LAMC1: variants seen among roughly 807,000 people sequenced by gnomAD.
LAMC1 encodes laminin subunit gamma-1.
LAMC1 carries 38 observed loss-of-function variants against 173.6 expected under a neutral mutation model. The observed-to-expected ratio is 0.22, with a 90% CI of 0.17 to 0.29. LAMC1 has a LOEUF of 0.29. LAMC1 is among the 10% of genes least tolerant of loss of function. LAMC1 has a pLI of 1.00. For missense variants in LAMC1, 1,824 were observed against 2,051.8 expected, an observed-to-expected ratio of 0.89 and a Z score of 2.14; for synonymous variants, 746 against 749.1, an observed-to-expected ratio of 1.00 and a Z score of 0.07.
intron 21 of LAMC1, among the ~76,000 whole-genome samples, chr1:183,133,022 T>A (rs1656840836): frequency 6.6e-6 from 1 of 152,136 alleles, no homozygotes; most frequent in South Asian, 2.1e-4. Context: ...GCGATTCTCC[T>A]GCCTCGGCCT....
At chr1:183,086,507 G>C (rs1224541785) in intron 1 of LAMC1, among the ~76,000 whole-genome samples, 41 of 133,176 alleles carry the variant, frequency 3.1e-4, no homozygotes, top group Non-Finnish European at 1.7e-5. Flanking sequence ...TGTGGATAGA[G>C]ATGCTGGATT....
chr1:183,098,140 C>T (rs1298394979), intron 1 of LAMC1, among the ~76,000 whole-genome samples: 7 of 152,128 alleles, frequency 4.6e-5, no homozygotes, highest in African/African-American at 7.2e-5. Context: ...ATTAGAAGAC[C>T]TGGTCCAGTT....
intron 1 of LAMC1, among the ~76,000 whole-genome samples, chr1:183,032,366 C>A (rs1432305080): frequency 6.6e-6 from 1 of 152,158 alleles, no homozygotes; most frequent in Non-Finnish European, 1.5e-5. Context: ...CAGTTCCCTT[C>A]TTTTACTCTT....
At chr1:183,107,808 C>T (rs1422080243) in intron 2 of LAMC1, among the ~76,000 whole-genome samples, 4 of 151,560 alleles carry the variant, frequency 2.6e-5, no homozygotes, top group Non-Finnish European at 4.4e-5. Flanking sequence ...CCAGCCAGGG[C>T]GACAGAACGA....
intron 1 of LAMC1, among the ~76,000 whole-genome samples, chr1:183,078,824 A>G (rs1655186023): frequency 6.6e-6 from 1 of 152,132 alleles, no homozygotes; most frequent in Admixed American, 6.5e-5. Flanking sequence ...CAGCCTGACC[A>G]ACATGGAGAA....
chr1:183,031,908 T>A (rs1462810109), intron 1 of LAMC1, among the ~76,000 whole-genome samples: 1 of 151,382 alleles, frequency 6.6e-6, no homozygotes, highest in Non-Finnish European at 1.5e-5. Flanking sequence ...ATAAAATAAT[T>A]TAAAAATAAG....
intron 1 of LAMC1, among the ~76,000 whole-genome samples, chr1:183,048,678 T>G (rs1235353971): frequency 6.6e-6 from 1 of 152,214 alleles, no homozygotes; most frequent in African/African-American, 2.4e-5. Context: ...TGTTGTAGAT[T>G]ATATAATTTA....
intron 20 of LAMC1, 80 bp from the exon 21 acceptor site, chr1:183,132,320 A>G (rs1017903738): frequency 5.6e-6 from 5 of 891,716 alleles, no homozygotes; most frequent in Non-Finnish European, 6.8e-6. Flanking sequence ...TAATAATAAT[A>G]AAGTAAGCAT....
intron 27 of LAMC1, 74 bp from the exon 28 acceptor site, chr1:183,142,460 A>G: frequency 6.9e-7 from 1 of 1,453,276 alleles, no homozygotes; most frequent in Non-Finnish European, 9.3e-7. Flanking sequence ...CCTAGAGTCT[A>G]GTGCAGGTAC....
Position 183,110,507 on chromosome 1 carries a change from G to T in LAMC1, c.874G>T (p.Ala292Ser), listed in dbSNP as rs368803570. The T allele has an allele frequency of 6.2e-7, 1 of 1,612,652 alleles. No homozygotes were observed. Among genetic ancestry groups the T allele is most frequent in the South Asian group, 1.1e-5 (1 of 90,808 alleles). Residue 292 changes from alanine to serine, a missense_variant, in exon 4 of 28, where the codon GCA (alanine) becomes TCA (serine). Transcript: ENST00000258341. Reference protein sequence around the residue: ...VGGRCKCNGHASECMKNEFDK... With the variant: ...VGGRCKCNGHSSECMKNEFDK... ...CCCCAGATGTAAATGTAATGGACACGCAAGCGAGTGTATGAAGAACGAATT... is the reference window on the plus strand; with the variant it reads ...CCCCAGATGTAAATGTAATGGACACTCAAGCGAGTGTATGAAGAACGAATT...
At chr1:183,118,264 C>G in intron 11 of LAMC1, 118 bp downstream of exon 11, 1 of 563,330 alleles carries the variant, frequency 1.8e-6, no homozygotes, top group Middle Eastern at 4.3e-4. Flanking sequence ...TATAACAACT[C>G]ACATTATACA....
chr1:183,128,491 A>G, intron 17 of LAMC1, 103 bp from the exon 18 acceptor site: 4 of 789,320 alleles, frequency 5.1e-6, no homozygotes, highest in African/African-American at 1.8e-5. Flanking sequence ...AAAAAGAACT[A>G]CATATTCATG....
At chr1:183,034,430 G>A (rs1653922834) in intron 1 of LAMC1, among the ~76,000 whole-genome samples, 1 of 152,156 alleles carries the variant, frequency 6.6e-6, no homozygotes, top group Non-Finnish European at 1.5e-5. Context: ...ATGACACCAT[G>A]CCCAGCTAAT....
rs766479712 is a variant in LAMC1, at chr1:183,103,417, G to A, written c.508G>A (p.Gly170Arg). 33 of 1,614,020 alleles carry A rather than the reference G, an allele frequency of 2.0e-5. No homozygotes were observed. The highest frequency in any genetic ancestry group is 3.3e-5 in the South Asian group (3 of 91,070). Residue 170 changes from glycine (G) to arginine (R), a missense_variant, in exon 2 of 28, where the codon GGG becomes AGG. Transcript: ENST00000258341. ...CATTTACAAGCGCACACGGGAAGACGGGCCCTGGATTCCTTACCAGTACTA... is the reference window on the plus strand; with the variant it reads ...CATTTACAAGCGCACACGGGAAGACAGGCCCTGGATTCCTTACCAGTACTA... ...FAIYKRTRED[G>R]PWIPYQYYSG...
At chr1:183,102,488 C>G (rs1655860923) in intron 1 of LAMC1, among the ~76,000 whole-genome samples, 1 of 152,066 alleles carries the variant, frequency 6.6e-6, no homozygotes, top group Non-Finnish European at 1.5e-5. Context: ...TTAGCAAGAC[C>G]CAATGTGTGA....
At position 183,124,830 on chromosome 1, in the gene LAMC1, A is replaced by G; in HGVS notation, c.2601A>G (p.Gly867=). 6.2e-7 allele frequency: 1 copy of G among 1,614,148 alleles called. No homozygotes were observed. Among genetic ancestry groups the G allele is most frequent in the Non-Finnish European group, 8.5e-7 (1 of 1,180,020 alleles). The change falls in exon 14 of 28, where the codon GGA becomes GGG. Residue 867 remains glycine (G), a synonymous_variant. Transcript: ENST00000258341. ...TCTATTGTGACCGGTGCAAAGACGG[A>G]TTTTTTGGAAATCCCCTGGCTCCCA... ...AGFYCDRCKD[G]FFGNPLAPNP...
At chr1:183,064,651 A>G (rs1364447558) in intron 1 of LAMC1, among the ~76,000 whole-genome samples, 1 of 152,222 alleles carries the variant, frequency 6.6e-6, no homozygotes, top group Non-Finnish European at 1.5e-5. Flanking sequence ...AAAAATTGTA[A>G]GGGGCACCTC....
At position 183,130,644 on chromosome 1, in the gene LAMC1, T is replaced by G. The variant is rs575703316; in HGVS notation, c.3486+95T>G. 4 of 890,478 alleles carry G rather than the reference T, an allele frequency of 4.5e-6. No homozygotes were observed. In the African/African-American group the frequency reaches 5.0e-5, roughly 11 times the overall value. The allele number at this position is 890,478 out of a possible 1,614,324, so 55.2% of individuals were successfully genotyped here. Reference sequence around the variant, plus strand: ...GCAGTGGAGTGCTTCTTCAACTAAATTGACTCCATGCATCTTTTTATTTGT... The same window carrying G: ...GCAGTGGAGTGCTTCTTCAACTAAAGTGACTCCATGCATCTTTTTATTTGT... On this transcript the variant is annotated intron_variant, in intron 19 of 27. Coordinates refer to ENST00000258341, the MANE Select transcript of LAMC1 (RefSeq NM_002293.4).
chr1:183,065,975 A>G (rs1654864110), intron 1 of LAMC1, among the ~76,000 whole-genome samples: 1 of 152,232 alleles, frequency 6.6e-6, no homozygotes, highest in African/African-American at 2.4e-5. Context: ...TTAATAAGCG[A>G]GAGAATGCTT....
Sources: allele counts gnomAD v4.1 joint callset (sites outside exome capture counted in the v4.1 genomes callset), GRCh38; gene constraint gnomAD v4.1.1; transcripts MANE v1.5; gene names NCBI Gene and HGNC (gene_info 2026-07-23, HGNC 2026-07-21).